TEX9: variants seen among roughly 807,000 people sequenced by gnomAD.
TEX9 encodes testis expressed 9.
In TEX9, 74 loss-of-function variants were observed where a neutral mutation model predicts 59.6. That is an observed-to-expected ratio of 1.24 (90% CI 1.03 to 1.51). TEX9 has a LOEUF of 1.51. Ranked by LOEUF, TEX9 falls within the 40% of genes most tolerant of loss-of-function variation. TEX9 has a pLI of 0.00. For missense variants in TEX9, 522 were observed against 447.8 expected (o/e 1.17, Z -1.49); for synonymous variants, 186 against 152.2 (o/e 1.22, Z -1.64).
intron 9 of TEX9, among the ~76,000 whole-genome samples, chr15:56,400,832 A>G (rs2048731331): frequency 6.6e-6 from 1 of 152,180 alleles, no homozygotes; most frequent in Non-Finnish European, 1.5e-5. Context: ...ACCGATATTC[A>G]ACATCCTTAA....
intron 1 of TEX9, among the ~76,000 whole-genome samples, chr15:56,290,628 T>A (rs1376067328): frequency 1.3e-5 from 2 of 152,092 alleles, no homozygotes; most frequent in Admixed American, 6.6e-5. Flanking sequence ...CTAATTTTTT[T>A]AATGTTTATA....
chr15:56,452,019 T>G, the TEX9 span, among the ~76,000 whole-genome samples: 1 of 152,200 alleles, frequency 6.6e-6, no homozygotes, highest in Non-Finnish European at 1.5e-5. Flanking sequence ...TTCAAATATG[T>G]TTACTATAAC....
the TEX9 span, among the ~76,000 whole-genome samples, chr15:56,458,499 G>C: frequency 6.6e-6 from 1 of 151,990 alleles, no homozygotes; most frequent in Admixed American, 6.6e-5. Context: ...TTTACATTAA[G>C]GTTCATTCTT....
At chr15:56,264,469 T>C (rs61468920) in intron 1 of TEX9, among the ~76,000 whole-genome samples, 4,516 of 152,324 alleles carry the variant, frequency 0.03, 216 homozygotes, top group African/African-American at 0.1. Flanking sequence ...GTTCTATGTA[T>C]TGGAATAGGA....
intron 9 of TEX9, among the ~76,000 whole-genome samples, chr15:56,402,707 T>C (rs1433642588): frequency 6.6e-6 from 1 of 152,188 alleles, no homozygotes; most frequent in Non-Finnish European, 1.5e-5. Context: ...CCAATATCCC[T>C]GATGAACATT....
At chr15:56,310,241 G>C (rs2045578544) in intron 1 of TEX9, among the ~76,000 whole-genome samples, 1 of 152,140 alleles carries the variant, frequency 6.6e-6, no homozygotes, top group Admixed American at 6.5e-5. Context: ...AGACCAGCCT[G>C]ACCAACATGG....
chr15:56,451,820 G>C, the TEX9 span, among the ~76,000 whole-genome samples: 13 of 152,192 alleles, frequency 8.5e-5, no homozygotes, highest in African/African-American at 3.1e-4. Context: ...TGTACTTTTT[G>C]ACCAAAGGGT....
chr15:56,301,404 C>A (rs2045357697), intron 1 of TEX9, among the ~76,000 whole-genome samples: 1 of 151,928 alleles, frequency 6.6e-6, no homozygotes, highest in East Asian at 1.9e-4. Flanking sequence ...ATTTTCCAAA[C>A]TCAGAGAAAG....
At chr15:56,288,130 T>C (rs2044997317) in intron 1 of TEX9, among the ~76,000 whole-genome samples, 1 of 152,176 alleles carries the variant, frequency 6.6e-6, no homozygotes, top group Non-Finnish European at 1.5e-5. Flanking sequence ...CTATTCATAG[T>C]CTCACCCACA....
intron 1 of TEX9, among the ~76,000 whole-genome samples, chr15:56,358,487 C>G (rs2046729748): frequency 6.6e-6 from 1 of 151,698 alleles, no homozygotes; most frequent in African/African-American, 2.4e-5. Flanking sequence ...TGCAGAAAAA[C>G]TGAGAATATC....
At chr15:56,346,564 A>T (rs184083176) in intron 1 of TEX9, among the ~76,000 whole-genome samples, 1 of 152,126 alleles carries the variant, frequency 6.6e-6, no homozygotes, top group South Asian at 2.1e-4. Context: ...CTTCTAACCC[A>T]TTTCTCTAAC....
intron 2 of TEX9, among the ~76,000 whole-genome samples, chr15:56,372,023 G>A (rs1227995039): frequency 1.3e-5 from 2 of 152,116 alleles, no homozygotes; most frequent in Non-Finnish European, 2.9e-5. Flanking sequence ...TAGTACCAGG[G>A]CATTTCCCTT....
chr15:56,386,593 G>C (rs1212456246), intron 4 of TEX9, among the ~76,000 whole-genome samples: 1 of 151,724 alleles, frequency 6.6e-6, no homozygotes, highest in African/African-American at 2.4e-5. Context: ...TTTATATTTT[G>C]ATAGACATAT....
At chr15:56,389,913 A>G (rs188855602) in intron 6 of TEX9, among the ~76,000 whole-genome samples, 1 of 152,104 alleles carries the variant, frequency 6.6e-6, no homozygotes, top group Admixed American at 6.6e-5. Flanking sequence ...AAGGGACCCA[A>G]GATGCTCCCT....
intron 1 of TEX9, among the ~76,000 whole-genome samples, chr15:56,329,738 C>T (rs1166473710): frequency 6.6e-6 from 1 of 151,952 alleles, no homozygotes; most frequent in Non-Finnish European, 1.5e-5. Context: ...TGAAAATACA[C>T]AGTTAGAGGA....
At chr15:56,423,045 A>G (rs1327164158) in intron 10 of TEX9, among the ~76,000 whole-genome samples, 5 of 152,162 alleles carry the variant, frequency 3.3e-5, no homozygotes, top group Non-Finnish European at 7.4e-5. Flanking sequence ...TTATTCATCC[A>G]TCAGTGGACA....
At chr15:56,450,649 C>G (rs116088218), downstream of TEX9, among the ~76,000 whole-genome samples, 261 of 152,168 alleles carry the variant, frequency 1.7e-3, 1 homozygote, top group African/African-American at 6.0e-3. Context: ...ATTTATCCAC[C>G]CATCTGATGG....
At chr15:56,282,137 C>A (rs2141459500) in intron 1 of TEX9, among the ~76,000 whole-genome samples, 1 of 152,160 alleles carries the variant, frequency 6.6e-6, no homozygotes. Flanking sequence ...TTTTAATCCA[C>A]CAGAACAGAA....
chr15:56,451,965 A>G, the TEX9 span, among the ~76,000 whole-genome samples: 2 of 152,182 alleles, frequency 1.3e-5, no homozygotes, highest in Admixed American at 1.3e-4. Context: ...AAATCTGTTG[A>G]TATTTTTATT....
Sources: allele counts gnomAD v4.1 joint callset (sites outside exome capture counted in the v4.1 genomes callset), GRCh38; gene constraint gnomAD v4.1.1; transcripts MANE v1.5; gene names NCBI Gene and HGNC (gene_info 2026-07-23, HGNC 2026-07-21).